SBF2: variants seen among roughly 807,000 people sequenced by gnomAD.
SBF2 encodes SET binding factor 2, also known as myotubularin-related protein 13.
Under a neutral mutation model 225.2 loss-of-function variants are expected in SBF2, and 112 were observed. That is an observed-to-expected ratio of 0.50 (90% confidence interval 0.43 to 0.58). The LOEUF (loss-of-function observed/expected upper bound fraction) is 0.58, where lower values mean the gene tolerates loss of function less well. Among genes scored for constraint, SBF2 ranks in the 20% least tolerant of loss-of-function variants. The pLI is 0.00. For missense variants in SBF2, 1,996 were observed against 2,206.2 expected, an observed-to-expected ratio of 0.90 and a Z score of 1.91; for synonymous variants, 763 against 773.3, an observed-to-expected ratio of 0.99 and a Z score of 0.22.
chr11:9,877,250 A>C (rs887286975), intron 17 of SBF2, among the ~76,000 whole-genome samples: 9 of 152,154 alleles, frequency 5.9e-5, no homozygotes, highest in Non-Finnish European at 1.0e-4. Flanking sequence ...AAAATAAATA[A>C]TACTCTACCG....
chr11:10,214,270 T>A (rs1958045306), intron 1 of SBF2, among the ~76,000 whole-genome samples: 1 of 152,106 alleles, frequency 6.6e-6, no homozygotes, highest in Non-Finnish European at 1.5e-5. Context: ...TAAATACGCC[T>A]TGGAGAGCAA....
chr11:9,910,991 A>G (rs1050856981), intron 16 of SBF2, among the ~76,000 whole-genome samples: 1 of 149,266 alleles, frequency 6.7e-6, no homozygotes, highest in Non-Finnish European at 1.5e-5. Flanking sequence ...CCTGGGAGGA[A>G]GAGGTTGCAG....
chr11:10,209,841 A>G (rs1957870382), intron 1 of SBF2, among the ~76,000 whole-genome samples: 1 of 152,118 alleles, frequency 6.6e-6, no homozygotes, highest in African/African-American at 2.4e-5. Flanking sequence ...TTCATATAAA[A>G]GATGTCTCGA....
At chr11:10,230,715 C>A (rs1191979867) in intron 1 of SBF2, among the ~76,000 whole-genome samples, 1 of 152,160 alleles carries the variant, frequency 6.6e-6, no homozygotes, top group African/African-American at 2.4e-5. Flanking sequence ...TGTGGGTAAC[C>A]CGACCTTTCT....
intron 30 of SBF2, among the ~76,000 whole-genome samples, chr11:9,811,874 G>T: frequency 6.6e-6 from 1 of 152,122 alleles, no homozygotes; most frequent in Non-Finnish European, 1.5e-5. Context: ...ACAGCTCTTT[G>T]GGAGGTCAAG....
intron 2 of SBF2, among the ~76,000 whole-genome samples, chr11:10,120,613 T>C (rs1953391878): frequency 6.6e-6 from 1 of 152,106 alleles, no homozygotes; most frequent in African/African-American, 2.4e-5. Flanking sequence ...TGTTGTTTTC[T>C]GTTTGTTTTT....
chr11:10,009,729 T>C (rs61877040), intron 6 of SBF2, among the ~76,000 whole-genome samples: 29,040 of 152,178 alleles, frequency 0.19, 2,899 homozygotes, highest in East Asian at 0.28. Flanking sequence ...TACGTGTGCA[T>C]GTGTCTTTAC....
intron 5 of SBF2, among the ~76,000 whole-genome samples, chr11:10,029,037 A>G (rs1044742806): frequency 1.3e-5 from 2 of 152,218 alleles, no homozygotes; most frequent in African/African-American, 4.8e-5. Flanking sequence ...GAAGGGCAAG[A>G]AAAAGAAATG....
At position 10,294,082 on chromosome 11, in the gene SBF2, C is replaced by CGCG. The variant is rs1413565541; in HGVS notation, c.-16_-14dup. 28 of 1,362,634 alleles carry CGCG rather than the reference C, an allele frequency of 2.1e-5. No individual in the cohort carries two copies. Among genetic ancestry groups the CGCG allele is most frequent in the Non-Finnish European group, 2.6e-5 (27 of 1,056,692 alleles). The allele number at this position is 1,362,634 out of a possible 1,614,324, so 84.4% of individuals were successfully genotyped here. A position where few individuals can be genotyped will look rare whatever the true frequency, so the allele number is the denominator to read the frequency against. On this transcript the variant is annotated 5_prime_UTR_variant, in exon 1 of 40. Transcript: ENST00000256190. ...CCAGCCGGGCCATGGCCGCCGCCGC[C>CGCG]GCGCTCGGGAAGCGGGTCCCCGTCG...
intron 2 of SBF2, among the ~76,000 whole-genome samples, chr11:10,190,837 A>G (rs1316421391): frequency 6.6e-6 from 1 of 152,190 alleles, no homozygotes; most frequent in Non-Finnish European, 1.5e-5. Flanking sequence ...ACAGAATTCT[A>G]CATTTACACT....
At chr11:10,157,471 G>C (rs749037665) in intron 2 of SBF2, among the ~76,000 whole-genome samples, 7 of 152,148 alleles carry the variant, frequency 4.6e-5, no homozygotes, top group Non-Finnish European at 1.0e-4. Flanking sequence ...TATCAACAAA[G>C]TAAACAGAAA....
At chr11:9,855,193 C>T (rs1028727858) in intron 19 of SBF2, among the ~76,000 whole-genome samples, 1 of 152,128 alleles carries the variant, frequency 6.6e-6, no homozygotes, top group Non-Finnish European at 1.5e-5. Context: ...CATTAAATAA[C>T]CAGAGGATGA....
At chr11:9,866,875 G>A (rs1858267734) in intron 17 of SBF2, among the ~76,000 whole-genome samples, 1 of 152,044 alleles carries the variant, frequency 6.6e-6, no homozygotes, top group Admixed American at 6.6e-5. Flanking sequence ...AGGAATGCAA[G>A]CAACTCAATA....
chr11:10,148,939 T>C (rs1271456953), intron 2 of SBF2, among the ~76,000 whole-genome samples: 6 of 152,126 alleles, frequency 3.9e-5, no homozygotes. Flanking sequence ...TCCTTGCCTG[T>C]TATCTCCCGT....
chr11:10,137,408 G>A (rs754314750), intron 2 of SBF2, among the ~76,000 whole-genome samples: 3 of 152,078 alleles, frequency 2.0e-5, no homozygotes, highest in African/African-American at 4.8e-5. Flanking sequence ...GTGGTATTGA[G>A]CTGGCTAGAA....
At chr11:10,123,460 A>G (rs1591008447) in intron 2 of SBF2, among the ~76,000 whole-genome samples, 1 of 152,336 alleles carries the variant, frequency 6.6e-6, no homozygotes, top group Non-Finnish European at 1.5e-5. Context: ...AATCCCGACA[A>G]TAAAAAATCT....
rs12281244 is a variant in SBF2 at position 9,959,388 on chromosome 11, C to G, written c.1860+2569G>C. ...CAACCAAAGGGGTGCCCGTCTGTCCCCATGAGATTATATATTCCTGCTCCA... is the reference window on the plus strand; with the variant it reads ...CAACCAAAGGGGTGCCCGTCTGTCCGCATGAGATTATATATTCCTGCTCCA... On this transcript the variant is annotated intron_variant, in intron 16 of 39. Coordinates refer to ENST00000256190, the MANE Select transcript of SBF2 (RefSeq NM_030962.4). 4.5e-3 allele frequency: 3,654 copies of G among 816,480 alleles called. 20 individuals carry two copies. Among genetic ancestry groups the G allele is most frequent in the Non-Finnish European group, 6.7e-3 (3,042 of 453,412 alleles). The allele number at this position is 816,480 out of a possible 1,614,324, so 50.6% of individuals were successfully genotyped here. A position where few individuals can be genotyped will look rare whatever the true frequency, so the allele number is the denominator to read the frequency against.
At chr11:10,165,481 C>T (rs1023778782) in intron 2 of SBF2, among the ~76,000 whole-genome samples, 1 of 152,136 alleles carries the variant, frequency 6.6e-6, no homozygotes, top group African/African-American at 2.4e-5. Context: ...TTTCCAGTTT[C>T]CAATATGATC....
intron 16 of SBF2, among the ~76,000 whole-genome samples, chr11:9,911,756 G>A (rs1404306958): frequency 6.6e-6 from 1 of 152,100 alleles, no homozygotes; most frequent in Non-Finnish European, 1.5e-5. Context: ...CTTTTATACT[G>A]TATTTTTGCT....
Sources: allele counts gnomAD v4.1 joint callset (sites outside exome capture counted in the v4.1 genomes callset), GRCh38; gene constraint gnomAD v4.1.1; transcripts MANE v1.5; gene names NCBI Gene and HGNC (gene_info 2026-07-23, HGNC 2026-07-21).